SLCO3A1: variants seen among roughly 807,000 people sequenced by gnomAD.
SLCO3A1 encodes the protein PGE1 transporter.
Under a neutral mutation model 63.1 loss-of-function variants are expected in SLCO3A1, and 27 were observed. The ratio of observed to expected loss-of-function variants is 0.43; its 90% CI spans 0.32 to 0.59. SLCO3A1 has a LOEUF of 0.59. SLCO3A1 is among the 20% of genes least tolerant of loss of function. SLCO3A1 has a pLI of 0.09. For synonymous variants in SLCO3A1, 473 were observed against 409.9 expected, an observed-to-expected ratio of 1.15 and a Z score of -1.86; for missense variants, 773 against 945.8, an observed-to-expected ratio of 0.82 and a Z score of 2.40.
At chr15:91,880,257 A>G (rs1897536631) in intron 1 of SLCO3A1, among the ~76,000 whole-genome samples, 1 of 152,016 alleles carries the variant, frequency 6.6e-6, no homozygotes, top group Non-Finnish European at 1.5e-5. Context: ...GTGATCCTGT[A>G]CACACTCTAC....
chr15:92,003,926 G>A (rs2046284344), intron 2 of SLCO3A1, among the ~76,000 whole-genome samples: 1 of 152,174 alleles, frequency 6.6e-6, no homozygotes, highest in African/African-American at 2.4e-5. Context: ...CTGCAGAAGG[G>A]CCATGCTCAC....
At chr15:91,939,949 G>T (rs144022406) in intron 2 of SLCO3A1, among the ~76,000 whole-genome samples, 1 of 152,258 alleles carries the variant, frequency 6.6e-6, no homozygotes, top group East Asian at 1.9e-4. Flanking sequence ...GGGTCACATA[G>T]CTAGAAAGTA....
At position 91,859,692 on chromosome 15, in the gene SLCO3A1, C is replaced by G. The variant is rs546947489; in HGVS notation, c.180+5604C>G. ...TAACTGGGGTTATAATAGTACCTACCCTCTGTTTTGCTGTGAGGATGAACT... is the reference window on the plus strand; with the variant it reads ...TAACTGGGGTTATAATAGTACCTACGCTCTGTTTTGCTGTGAGGATGAACT... On this transcript the variant is annotated intron_variant, in intron 1 of 9. Transcript: ENST00000318445. The surrounding 1 kb of genome is among the most constrained non-coding windows in gnomAD (Gnocchi z 5.1). Among the ~76,000 whole-genome samples, 1 of 152,176 alleles carries G rather than the reference C, an allele frequency of 6.6e-6. No homozygotes were observed. The highest frequency in any genetic ancestry group is 2.1e-4 in the South Asian group (1 of 4,826).
intron 4 of SLCO3A1, among the ~76,000 whole-genome samples, chr15:92,116,950 A>G (rs2047803098): frequency 6.6e-6 from 1 of 152,222 alleles, no homozygotes; most frequent in Non-Finnish European, 1.5e-5. Context: ...CTCAAGTCAA[A>G]TGATTCAGTC....
intron 1 of SLCO3A1, among the ~76,000 whole-genome samples, chr15:91,895,541 C>A (rs73549428): frequency 0.019 from 2,882 of 152,274 alleles, 88 homozygotes; most frequent in African/African-American, 0.066. Context: ...CATATGGAAG[C>A]TTTTTGTAAA....
intron 2 of SLCO3A1, among the ~76,000 whole-genome samples, chr15:91,926,463 C>G (rs1899013735): frequency 1.3e-5 from 2 of 151,860 alleles, no homozygotes; most frequent in African/African-American, 4.8e-5. Flanking sequence ...TACCTTAACT[C>G]CCTCAAATGA....
intron 5 of SLCO3A1, among the ~76,000 whole-genome samples, chr15:92,122,382 G>A (rs952928048): frequency 6.6e-6 from 1 of 152,232 alleles, no homozygotes; most frequent in African/African-American, 2.4e-5. Flanking sequence ...AAAATCTCCT[G>A]TCATGTCACA....
At chr15:92,120,041 TTAAA>T (rs2047843987) in intron 4 of SLCO3A1, among the ~76,000 whole-genome samples, 1 of 152,074 alleles carries the variant, frequency 6.6e-6, no homozygotes, top group South Asian at 2.1e-4. Flanking sequence ...TGACATATAC[TTAAA>T]TATATTGATA....
intron 2 of SLCO3A1, among the ~76,000 whole-genome samples, chr15:91,981,325 C>T (rs1352322626): frequency 1.3e-5 from 2 of 152,202 alleles, no homozygotes; most frequent in African/African-American, 4.8e-5. Flanking sequence ...CATGGGACAT[C>T]ATCGCTGGGC....
intron 8 of SLCO3A1, chr15:92,149,353 T>C (rs915217558): frequency 4.6e-5 from 7 of 152,282 alleles, no homozygotes; most frequent in Non-Finnish European, 1.0e-4. Context: ...CACAGTTTTA[T>C]TCCATCACCT....
At chr15:92,170,630 C>T (rs927759675), downstream of SLCO3A1, among the ~76,000 whole-genome samples, 5 of 152,172 alleles carry the variant, frequency 3.3e-5, no homozygotes, top group Admixed American at 6.5e-5. Flanking sequence ...GCCAACAGAG[C>T]GTCTACCTGT....
intron 2 of SLCO3A1, among the ~76,000 whole-genome samples, chr15:92,075,099 C>T (rs1366189506): frequency 6.6e-6 from 1 of 152,188 alleles, no homozygotes; most frequent in Non-Finnish European, 1.5e-5. Context: ...CAGCTCACTA[C>T]CCCTCTGAAG....
rs759282606 is a variant in SLCO3A1, at chr15:91,916,323, A to C, written c.511A>C (p.Thr171Pro). 5.0e-6 allele frequency: 8 copies of C among 1,595,926 alleles called. No individual in the cohort carries two copies. The highest frequency in any genetic ancestry group is 4.5e-5 in the East Asian group (2 of 44,034). The change falls in exon 2 of 10, where the codon ACG becomes CCG. Residue 171 changes from threonine (T) to proline (P), a missense_variant. Physicochemically the swap from Thr to Pro is conservative, Grantham distance 38. Coordinates refer to ENST00000318445, the MANE Select transcript of SLCO3A1 (RefSeq NM_013272.4). This position sits in a 1 kb window ranked among gnomAD's most constrained non-coding sequence, Gnocchi z 6.2. Reference protein sequence around the residue: ...PDPDLICRNRTATNMMYLLLI... With the variant: ...PDPDLICRNRPATNMMYLLLI... ...CCCCGACCTCATCTGCCGCAACCGG[A>C]CGGCTACCAACATGATGTACTTGCT...
intron 1 of SLCO3A1, among the ~76,000 whole-genome samples, chr15:91,884,147 C>T (rs1184351551): frequency 2.6e-5 from 4 of 152,142 alleles, no homozygotes; most frequent in South Asian, 2.1e-4. Context: ...ATGAGGATTC[C>T]GAGGTCCTGA....
Position 92,128,333 on chromosome 15 carries a change from GTTTCC to G in SLCO3A1, c.1374-13_1374-9del, listed in dbSNP as rs1482520908. The G allele has an allele frequency of 6.2e-7, 1 of 1,613,476 alleles. No individual in the cohort carries two copies. The highest frequency in any genetic ancestry group is 1.1e-5 in the South Asian group (1 of 90,978). On this transcript the variant is annotated splice_polypyrimidine_tract_variant and intron_variant, in intron 6 of 9. Transcript: ENST00000318445. ...TTGACCTGTTTCTAATGGCTTCCGT[GTTTCC>G]TTTCTTTTCCAGCACAGCACCTGGC...
At chr15:92,158,933 A>C (rs1313459047) in intron 9 of SLCO3A1, among the ~76,000 whole-genome samples, 1 of 152,246 alleles carries the variant, frequency 6.6e-6, no homozygotes, top group East Asian at 1.9e-4. Context: ...AATCTCACAA[A>C]GGTTATACTT....
chr15:91,906,025 C>A (rs1250204366), intron 1 of SLCO3A1, among the ~76,000 whole-genome samples: 2 of 152,118 alleles, frequency 1.3e-5, no homozygotes, highest in African/African-American at 4.8e-5. Flanking sequence ...TGGCTCTGCA[C>A]CTTAGCTGCG....
chr15:92,071,948 A>G (rs2047220498), intron 2 of SLCO3A1, among the ~76,000 whole-genome samples: 1 of 152,216 alleles, frequency 6.6e-6, no homozygotes, highest in South Asian at 2.1e-4. Context: ...GAGGCCTCTC[A>G]ACCAGGGTCC....
intron 3 of SLCO3A1, among the ~76,000 whole-genome samples, chr15:92,102,404 C>T (rs186499261): frequency 6.7e-6 from 1 of 149,230 alleles, no homozygotes; most frequent in Non-Finnish European, 1.5e-5. Flanking sequence ...ATAACAAGAT[C>T]TCTCTCTATA....
Sources: gnomAD v4.1 joint callset for allele counts (sites outside exome capture counted in the v4.1 genomes callset) on GRCh38, gnomAD v4.1.1 for gene constraint, Gnocchi (gnomAD v3.1) non-coding constraint, MANE v1.5 for transcripts, NCBI Gene and HGNC (gene_info 2026-07-23, HGNC 2026-07-21) for gene names.